The following SPAST variants were observed in gnomAD, a reference collection of about 807,000 sequenced individuals.
The protein encoded by SPAST is spastin.
Under a neutral mutation model 76.6 loss-of-function variants are expected in SPAST, and 30 were observed. The ratio of observed to expected loss-of-function variants is 0.39; its 90% CI spans 0.29 to 0.53. The LOEUF (loss-of-function observed/expected upper bound fraction) is 0.53, where lower values mean the gene tolerates loss of function less well. Ranked by LOEUF, SPAST falls within the 20% of genes least tolerant of loss-of-function variation. The pLI is 0.68. For synonymous variants in SPAST, 305 were observed against 281.0 expected (o/e 1.09, Z -0.86); for missense variants, 717 against 770.5 (o/e 0.93, Z 0.82).
rs964580845 is a variant in SPAST at position 32,156,709 on chromosome 2, A to C, written c.*2213A>C. 2.6e-5 allele frequency: 4 copies of C among 152,230 alleles called. No homozygotes were observed. Among genetic ancestry groups the C allele is most frequent in the Non-Finnish European group, 5.9e-5 (4 of 68,028 alleles). 9.4% of individuals were successfully genotyped at this position (152,230 alleles called of 1,614,324 possible). On this transcript the variant is annotated 3_prime_UTR_variant, in exon 17 of 17. Coordinates refer to ENST00000315285, the MANE Select transcript of SPAST (RefSeq NM_014946.4). Reference sequence around the variant, plus strand: ...AACTGGCTAATCATATTAAAGGACTATGTGGTTCCAGCTCAACTTTTAATA... The same window carrying C: ...AACTGGCTAATCATATTAAAGGACTCTGTGGTTCCAGCTCAACTTTTAATA...
intron 1 of SPAST, among the ~76,000 whole-genome samples, chr2:32,080,047 C>T (rs1480791364): frequency 3.3e-5 from 5 of 152,126 alleles, no homozygotes; most frequent in Admixed American, 3.3e-4. Context: ...GCATTCCCAC[C>T]AGCAGTGTAC....
At chr2:32,069,517 C>T (rs1558610518) in intron 1 of SPAST, among the ~76,000 whole-genome samples, 1 of 151,358 alleles carries the variant, frequency 6.6e-6, no homozygotes, top group Non-Finnish European at 1.5e-5. Flanking sequence ...CTGGTAATAT[C>T]ATGCACTGCC....
At chr2:32,084,665 C>T (rs1048336699) in intron 1 of SPAST, among the ~76,000 whole-genome samples, 1 of 151,250 alleles carries the variant, frequency 6.6e-6, no homozygotes, top group African/African-American at 2.4e-5. Context: ...GCGGGCGGAT[C>T]ACCTGAGGTC....
At chr2:32,110,649 ATATAG>A (rs1468927655) in intron 4 of SPAST, among the ~76,000 whole-genome samples, 1 of 139,064 alleles carries the variant, frequency 7.2e-6, no homozygotes, top group African/African-American at 2.7e-5. Flanking sequence ...TATATAGTAT[ATATAG>A]TATAGTATAT....
chr2:32,126,644 A>C (rs1395737610), intron 7 of SPAST: 2 of 220,154 alleles, frequency 9.1e-6, no homozygotes, highest in South Asian at 7.5e-5. Context: ...ACACCCAGCT[A>C]ATTTTTTTTT....
At chr2:32,109,597 T>C (rs938060121) in intron 4 of SPAST, among the ~76,000 whole-genome samples, 9 of 151,450 alleles carry the variant, frequency 5.9e-5, no homozygotes, top group Non-Finnish European at 1.0e-4. Context: ...CTTTTTTTTT[T>C]CTATCAGTTT....
At chr2:32,098,948 T>G in intron 4 of SPAST, 57 bp downstream of exon 4, 1 of 1,101,164 alleles carries the variant, frequency 9.1e-7, no homozygotes. Flanking sequence ...GTAAGAGTCT[T>G]ACTTAACCTG....
At chr2:32,122,000 A>G (rs947692351) in intron 7 of SPAST, among the ~76,000 whole-genome samples, 1 of 152,106 alleles carries the variant, frequency 6.6e-6, no homozygotes, top group Non-Finnish European at 1.5e-5. Flanking sequence ...ATGTCTGGTT[A>G]TTCTGGTTGT....
At chr2:32,076,312 G>A (rs1676961028) in intron 1 of SPAST, among the ~76,000 whole-genome samples, 1 of 152,018 alleles carries the variant, frequency 6.6e-6, no homozygotes, top group Non-Finnish European at 1.5e-5. Context: ...AAATTAACAG[G>A]GAAAATAATT....
intron 3 of SPAST, among the ~76,000 whole-genome samples, chr2:32,097,977 C>T (rs1027790289): frequency 7.2e-5 from 11 of 152,056 alleles, no homozygotes; most frequent in Admixed American, 1.3e-4. Flanking sequence ...GGATTACAGA[C>T]GTGAGCCACT....
chr2:32,108,524 AT>A (rs201976594), intron 4 of SPAST, among the ~76,000 whole-genome samples: 4 of 150,806 alleles, frequency 2.7e-5, no homozygotes, highest in Non-Finnish European at 4.4e-5. Context: ...TTATATATTT[AT>A]TTTTTTTTGA....
At position 32,136,986 on chromosome 2, in the gene SPAST, TA is replaced by T. The variant is rs1679559480; in HGVS notation, c.1413+19del. 6.3e-7 allele frequency: 1 copy of T among 1,587,304 alleles called. No individual in the cohort carries two copies. Among genetic ancestry groups the T allele is most frequent in the Non-Finnish European group, 8.6e-7 (1 of 1,159,138 alleles). Reference sequence around the variant, plus strand: ...TTGATGGTGTAAGTGTTGATTATGATATTTTTAATGTGGCAGCATTTTAGTA... The same window carrying T: ...TTGATGGTGTAAGTGTTGATTATGATTTTTTAATGTGGCAGCATTTTAGTA... On this transcript the variant is annotated intron_variant, in intron 11 of 16. Transcript: ENST00000315285.
chr2:32,143,876 T>C (rs1030111130), intron 14 of SPAST, among the ~76,000 whole-genome samples: 1 of 152,080 alleles, frequency 6.6e-6, no homozygotes, highest in Non-Finnish European at 1.5e-5. Context: ...TCAAAAAAAA[T>C]TTTAAACATT....
chr2:32,118,494 G>T (rs771540560), intron 7 of SPAST, among the ~76,000 whole-genome samples: 13 of 152,122 alleles, frequency 8.5e-5, no homozygotes, highest in Non-Finnish European at 1.8e-4. Flanking sequence ...TTTGGGAAAC[G>T]TAGCTTACGT....
intron 2 of SPAST, among the ~76,000 whole-genome samples, chr2:32,088,709 A>T (rs1386266567): frequency 2.4e-5 from 3 of 125,740 alleles, no homozygotes; most frequent in Non-Finnish European, 5.2e-5. Context: ...TACCAGTAAG[A>T]GTAAAAAACA....
rs34204746 is a variant in SPAST, at chr2:32,105,147, G to A, written c.682+6256G>A. On this transcript the variant is annotated intron_variant, in intron 4 of 16. Transcript: ENST00000315285. ...CCTATATTTCTTGGAGGTTCTGTTC[G>A]TTTCCTTTTACTCTTTTTTCTCTAA... 5.5e-3 allele frequency among the ~76,000 whole-genome samples: 844 copies of A among 152,124 alleles called. 5 individuals carry two copies. Among genetic ancestry groups the A allele is most frequent in the Middle Eastern group, 0.01 (3 of 294 alleles).
rs150672822 is a variant in SPAST at position 32,140,573 on chromosome 2, C to T, written c.1494-1331C>T. Among the ~76,000 whole-genome samples the T allele has an allele frequency of 6.0e-3, 905 of 151,532 alleles. 11 individuals carry two copies. The highest frequency in any genetic ancestry group is 0.02 in the African/African-American group (842 of 41,300). Reference sequence around the variant, plus strand: ...CAGAGGTTGCAGTGAGCCAAGACGGCGGCACTGTACTCTAGCCTGGGGGAC... The same window carrying T: ...CAGAGGTTGCAGTGAGCCAAGACGGTGGCACTGTACTCTAGCCTGGGGGAC... On this transcript the variant is annotated intron_variant, in intron 12 of 16. Coordinates refer to ENST00000315285, the MANE Select transcript of SPAST (RefSeq NM_014946.4).
At chr2:32,069,787 C>G (rs1676675980) in intron 1 of SPAST, among the ~76,000 whole-genome samples, 1 of 152,030 alleles carries the variant, frequency 6.6e-6, no homozygotes, top group Non-Finnish European at 1.5e-5. Context: ...TCTCGATCTC[C>G]TGTCCTCGTG....
chr2:32,083,678 T>C (rs1677329203), intron 1 of SPAST, among the ~76,000 whole-genome samples: 1 of 139,508 alleles, frequency 7.2e-6, no homozygotes, highest in African/African-American at 2.6e-5. Flanking sequence ...TATATATATT[T>C]TTATGCTATA....
Sources: allele counts gnomAD v4.1 joint callset (sites outside exome capture counted in the v4.1 genomes callset), GRCh38; gene constraint gnomAD v4.1.1; transcripts MANE v1.5; gene names NCBI Gene and HGNC (gene_info 2026-07-23, HGNC 2026-07-21).